HTR1F: variants seen among roughly 807,000 people sequenced by gnomAD.
HTR1F encodes the protein 5-hydroxytryptamine receptor 1F.
Under a neutral mutation model 24.0 loss-of-function variants are expected in HTR1F, and 17 were observed. That is an observed-to-expected ratio of 0.71 (90% CI 0.48 to 1.06). HTR1F has a LOEUF of 1.06. Among genes scored for constraint, HTR1F ranks in the 50% least tolerant of loss-of-function variants. The probability of loss-of-function intolerance (pLI) is 0.00; values close to 1 mark genes in which losing one functional copy is unlikely to be tolerated. For synonymous variants in HTR1F, 186 were observed against 156.8 expected, an observed-to-expected ratio of 1.19 and a Z score of -1.39; for missense variants, 391 against 427.8, an observed-to-expected ratio of 0.91 and a Z score of 0.76.
chr3:87,880,982 G>C (rs1316112728), intron 2 of HTR1F, among the ~76,000 whole-genome samples: 2 of 152,312 alleles, frequency 1.3e-5, no homozygotes, highest in East Asian at 3.9e-4. Context: ...AACAGGAACA[G>C]CTCCAGTCTG....
At chr3:87,956,151 C>T (rs1704938452) in intron 2 of HTR1F, among the ~76,000 whole-genome samples, 1 of 151,160 alleles carries the variant, frequency 6.6e-6, no homozygotes, top group African/African-American at 2.4e-5. Flanking sequence ...AAATTTTCTC[C>T]AGTGTTGTAT....
chr3:87,808,883 G>A (rs1187151669), intron 1 of HTR1F, among the ~76,000 whole-genome samples: 3 of 151,760 alleles, frequency 2.0e-5, no homozygotes, highest in African/African-American at 7.3e-5. Context: ...TTGTTCAGGA[G>A]CATGTTGTTT....
intron 2 of HTR1F, among the ~76,000 whole-genome samples, chr3:87,907,475 G>A (rs773168052): frequency 6.6e-6 from 1 of 151,300 alleles, no homozygotes; most frequent in Non-Finnish European, 1.5e-5. Flanking sequence ...AATTAACATA[G>A]CTATGTTTTC....
chr3:87,872,326 C>T (rs990491258), intron 2 of HTR1F, among the ~76,000 whole-genome samples: 1 of 152,020 alleles, frequency 6.6e-6, no homozygotes, highest in Non-Finnish European at 1.5e-5. Flanking sequence ...AATCAACAAC[C>T]TGACTTATTT....
intron 2 of HTR1F, among the ~76,000 whole-genome samples, chr3:87,860,857 A>G (rs1230313381): frequency 6.6e-6 from 1 of 152,178 alleles, no homozygotes; most frequent in Admixed American, 6.5e-5. Flanking sequence ...TTTGACTTAC[A>G]TATAAAATAT....
chr3:87,937,284 G>A (rs565536406), intron 2 of HTR1F, among the ~76,000 whole-genome samples: 17 of 152,164 alleles, frequency 1.1e-4, no homozygotes, highest in African/African-American at 3.1e-4. Context: ...GATCAAGTAG[G>A]CTTCATCCCA....
chr3:87,973,033 T>C (rs1169997759), intron 2 of HTR1F, among the ~76,000 whole-genome samples: 1 of 150,208 alleles, frequency 6.7e-6, no homozygotes, highest in South Asian at 2.1e-4. Flanking sequence ...TAGCCAGGCA[T>C]GGTGGTGTGC....
At chr3:87,868,189 G>T (rs1705469835) in intron 2 of HTR1F, among the ~76,000 whole-genome samples, 1 of 151,998 alleles carries the variant, frequency 6.6e-6, no homozygotes, top group Non-Finnish European at 1.5e-5. Flanking sequence ...TTAGCTTGGA[G>T]ATTTCTGACA....
chr3:87,831,797 C>A (rs1362758789), intron 2 of HTR1F, among the ~76,000 whole-genome samples: 1 of 152,140 alleles, frequency 6.6e-6, no homozygotes, highest in East Asian at 1.9e-4. Flanking sequence ...TTGATTCAGC[C>A]TTGCCGTCTG....
At chr3:87,918,981 T>A (rs796400461) in intron 2 of HTR1F, among the ~76,000 whole-genome samples, 10 of 152,120 alleles carry the variant, frequency 6.6e-5, no homozygotes, top group African/African-American at 2.4e-4. Flanking sequence ...AACTATATTG[T>A]AAGGCTGTAG....
chr3:87,983,703 A>T (rs1705601291), intron 2 of HTR1F, among the ~76,000 whole-genome samples: 1 of 152,144 alleles, frequency 6.6e-6, no homozygotes, highest in Non-Finnish European at 1.5e-5. Context: ...CCAATTCCTG[A>T]TCCAATCCTG....
At chr3:87,978,205 GAAGACT>G (rs1436818622) in intron 2 of HTR1F, among the ~76,000 whole-genome samples, 7 of 152,120 alleles carry the variant, frequency 4.6e-5, no homozygotes, top group African/African-American at 1.7e-4. Flanking sequence ...TCAGAAGGTT[GAAGACT>G]CCAGAAATCG....
At position 87,982,302 on chromosome 3, in the gene HTR1F, T is replaced by C. The variant is rs73847736; in HGVS notation, c.-42-8406T>C. Among the ~76,000 whole-genome samples, 459 of 152,292 alleles carry C rather than the reference T, an allele frequency of 3.0e-3. 2 individuals are homozygous for C. Among genetic ancestry groups the C allele is most frequent in the African/African-American group, 0.011 (441 of 41,556 alleles). Reference sequence around the variant, plus strand: ...ACATATCTAAGCTAGAGAAAGGGACTTCTAAAAATCTTAAGGGTGTTGCCC... The same window carrying C: ...ACATATCTAAGCTAGAGAAAGGGACCTCTAAAAATCTTAAGGGTGTTGCCC... On this transcript the variant is annotated intron_variant, in intron 2 of 2. Transcript: ENST00000319595.
At chr3:87,976,853 T>C (rs1576111795) in intron 2 of HTR1F, among the ~76,000 whole-genome samples, 1 of 152,218 alleles carries the variant, frequency 6.6e-6, no homozygotes, top group East Asian at 1.9e-4. Context: ...TTCCTGGTGA[T>C]AACCACTTAC....
At chr3:87,859,749 A>C (rs946519573) in intron 2 of HTR1F, among the ~76,000 whole-genome samples, 1 of 152,244 alleles carries the variant, frequency 6.6e-6, no homozygotes, top group African/African-American at 2.4e-5. Context: ...GTTTTAACTT[A>C]ATTCATTCAG....
chr3:87,919,179 G>T (rs541536179), intron 2 of HTR1F, among the ~76,000 whole-genome samples: 2 of 152,186 alleles, frequency 1.3e-5, no homozygotes, highest in Non-Finnish European at 2.9e-5. Context: ...ACATGTAGGA[G>T]AATGCAACTG....
chr3:87,819,110 A>G (rs1293787253), intron 1 of HTR1F, among the ~76,000 whole-genome samples: 1 of 152,172 alleles, frequency 6.6e-6, no homozygotes, highest in East Asian at 1.9e-4. Flanking sequence ...TCATGTGCAC[A>G]CTGTTTTACT....
intron 2 of HTR1F, among the ~76,000 whole-genome samples, chr3:87,965,330 A>T (rs994795120): frequency 5.3e-5 from 8 of 152,166 alleles, no homozygotes; most frequent in Middle Eastern, 6.3e-3. Flanking sequence ...TACATTATGG[A>T]GTCTAAAAAG....
At chr3:87,817,248 C>G (rs765876689) in intron 1 of HTR1F, among the ~76,000 whole-genome samples, 1 of 152,038 alleles carries the variant, frequency 6.6e-6, no homozygotes, top group Non-Finnish European at 1.5e-5. Flanking sequence ...ACAGATACTC[C>G]GTTTGGCAAT....
Sources: allele counts gnomAD v4.1 joint callset (sites outside exome capture counted in the v4.1 genomes callset), GRCh38; gene constraint gnomAD v4.1.1; transcripts MANE v1.5; gene names NCBI Gene and HGNC (gene_info 2026-07-23, HGNC 2026-07-21).